PLEKHA5: variants seen among roughly 807,000 people sequenced by gnomAD.
PLEKHA5 encodes pleckstrin homology domain-containing family A member 5.
Under a neutral mutation model 181.9 loss-of-function variants are expected in PLEKHA5, and 55 were observed. That is an observed-to-expected ratio of 0.30 (90% confidence interval 0.24 to 0.38). The LOEUF (loss-of-function observed/expected upper bound fraction) is 0.38. Among genes scored for constraint, PLEKHA5 ranks in the 10% least tolerant of loss-of-function variants. The probability of loss-of-function intolerance (pLI) is 1.00; values close to 1 mark genes in which losing one functional copy is unlikely to be tolerated. For synonymous variants in PLEKHA5, 535 were observed against 529.4 expected, an observed-to-expected ratio of 1.01 and a Z score of -0.15; for missense variants, 1,432 against 1,549.5, an observed-to-expected ratio of 0.92 and a Z score of 1.27.
chr12:19,348,551 T>C (rs2094443908), intron 25 of PLEKHA5, 32 bp downstream of exon 25: 1 of 1,510,338 alleles, frequency 6.6e-7, no homozygotes, highest in Non-Finnish European at 8.8e-7. Flanking sequence ...TACCTCTTGG[T>C]TTTTGTTTTT....
At chr12:19,366,235 G>T (rs1475326261) in intron 30 of PLEKHA5, 126 bp downstream of exon 30, 3 of 736,692 alleles carry the variant, frequency 4.1e-6, no homozygotes, top group Non-Finnish European at 6.7e-6. Flanking sequence ...GTCAACGTTT[G>T]CCTCCCCAAG....
intron 3 of PLEKHA5, among the ~76,000 whole-genome samples, chr12:19,138,855 G>A (rs1283435582): frequency 6.6e-6 from 1 of 152,156 alleles, no homozygotes; most frequent in Non-Finnish European, 1.5e-5. Context: ...GGTGAGTCTA[G>A]GAATGCTGTT....
rs2033070094 is a variant in PLEKHA5 at position 19,130,183 on chromosome 12, C to T, written c.169+53C>T. Reference sequence around the variant, plus strand: ...CTCCGCCTGGAGGAGGCGGCAGAGCCCGGGCCGCCCGGCTCCCCGCAACCT... The same window carrying T: ...CTCCGCCTGGAGGAGGCGGCAGAGCTCGGGCCGCCCGGCTCCCCGCAACCT... On this transcript the variant is annotated intron_variant, in intron 2 of 31. Coordinates refer to ENST00000429027, the MANE Select transcript of PLEKHA5 (RefSeq NM_001256470.2). The surrounding 1 kb of genome is among the most constrained non-coding windows in gnomAD (Gnocchi z 4.5). The T allele has an allele frequency of 8.2e-7, 1 of 1,220,796 alleles. No individual in the cohort carries two copies. The highest frequency in any genetic ancestry group is 1.1e-6 in the Non-Finnish European group (1 of 893,720). 75.6% of individuals were successfully genotyped at this position (1,220,796 alleles called of 1,614,324 possible).
At chr12:19,291,948 A>C (rs146883071) in intron 15 of PLEKHA5, among the ~76,000 whole-genome samples, 111 of 152,258 alleles carry the variant, frequency 7.3e-4, no homozygotes, top group African/African-American at 2.6e-3. Context: ...AATTCTCTAG[A>C]CTTCGTTCTT....
At chr12:19,227,035 G>T (rs370615417) in intron 3 of PLEKHA5, among the ~76,000 whole-genome samples, 1 of 151,944 alleles carries the variant, frequency 6.6e-6, no homozygotes, top group Admixed American at 6.6e-5. Flanking sequence ...TACCTCTTTT[G>T]TGATGTTTTC....
intron 3 of PLEKHA5, among the ~76,000 whole-genome samples, chr12:19,148,978 CATT>C (rs984093479): frequency 1.3e-5 from 2 of 152,052 alleles, no homozygotes; most frequent in Non-Finnish European, 2.9e-5. Context: ...AGGAAACAAA[CATT>C]ATTATTGGTA....
intron 3 of PLEKHA5, among the ~76,000 whole-genome samples, chr12:19,160,762 T>C (rs74669613): frequency 0.064 from 9,744 of 152,134 alleles, 370 homozygotes; most frequent in South Asian, 0.11. Flanking sequence ...AACTTTTTTA[T>C]ATAATAATAA....
intron 13 of PLEKHA5, among the ~76,000 whole-genome samples, chr12:19,290,277 A>G (rs1032550660): frequency 4.6e-5 from 7 of 152,234 alleles, no homozygotes; most frequent in Non-Finnish European, 8.8e-5. Context: ...AAAGTTGGAC[A>G]TGCAGGTATT....
intron 20 of PLEKHA5, among the ~76,000 whole-genome samples, chr12:19,325,043 T>C (rs1565618674): frequency 6.6e-6 from 1 of 152,244 alleles, no homozygotes. Context: ...TAGAATTTGC[T>C]GCATCTCAAG....
chr12:19,254,754 C>T (rs1376285281), intron 4 of PLEKHA5, among the ~76,000 whole-genome samples: 9 of 152,192 alleles, frequency 5.9e-5, no homozygotes, highest in Admixed American at 5.9e-4. Context: ...ACCTGGGAGG[C>T]AGATTCTACA....
intron 15 of PLEKHA5, 149 bp downstream of exon 15, chr12:19,291,846 G>A: frequency 1.9e-6 from 1 of 534,254 alleles, no homozygotes; most frequent in Non-Finnish European, 3.3e-6. Flanking sequence ...CTGACCAGGT[G>A]GATTCAGGAA....
chr12:19,339,827 T>C (rs1189043511), intron 21 of PLEKHA5, among the ~76,000 whole-genome samples: 2 of 152,188 alleles, frequency 1.3e-5, no homozygotes, highest in African/African-American at 2.4e-5. Flanking sequence ...CCTGCTAGGT[T>C]ATTATGAGGA....
At chr12:19,196,009 T>C (rs1232189838) in intron 3 of PLEKHA5, among the ~76,000 whole-genome samples, 1 of 152,186 alleles carries the variant, frequency 6.6e-6, no homozygotes, top group East Asian at 1.9e-4. Context: ...TTACCTACAC[T>C]AATTGAGATG....
chr12:19,174,431 T>C (rs1387318742), intron 3 of PLEKHA5, among the ~76,000 whole-genome samples: 1 of 152,218 alleles, frequency 6.6e-6, no homozygotes. Context: ...AATCTTGTTA[T>C]AATATGATTT....
At chr12:19,313,423 AT>A (rs1395522640) in intron 15 of PLEKHA5, among the ~76,000 whole-genome samples, 1 of 152,144 alleles carries the variant, frequency 6.6e-6, no homozygotes, top group Non-Finnish European at 1.5e-5. Context: ...TTTACATGTA[AT>A]TATTAAGTTT....
intron 15 of PLEKHA5, chr12:19,306,352 G>A (rs1452089351): frequency 4.5e-6 from 2 of 444,470 alleles, no homozygotes; most frequent in South Asian, 3.5e-5. Flanking sequence ...TTGTTTTCTC[G>A]TGCTCTCCAA....
At chr12:19,200,319 T>G in intron 3 of PLEKHA5, 1 of 1,527,600 alleles carries the variant, frequency 6.5e-7, no homozygotes. Flanking sequence ...TCCTTTATCC[T>G]TCCAGCTGAA....
At chr12:19,212,749 A>G (rs894537814) in intron 3 of PLEKHA5, among the ~76,000 whole-genome samples, 1 of 152,168 alleles carries the variant, frequency 6.6e-6, no homozygotes, top group Non-Finnish European at 1.5e-5. Flanking sequence ...TAAATTCATC[A>G]AACATATCCT....
intron 3 of PLEKHA5, among the ~76,000 whole-genome samples, chr12:19,230,348 T>G (rs1375042683): frequency 6.6e-6 from 1 of 152,216 alleles, no homozygotes; most frequent in Admixed American, 6.5e-5. Context: ...ACCAGTCCCA[T>G]GCCGTGCGCC....
Sources: gnomAD v4.1 joint callset for allele counts (sites outside exome capture counted in the v4.1 genomes callset) on GRCh38, gnomAD v4.1.1 for gene constraint, Gnocchi (gnomAD v3.1) non-coding constraint, MANE v1.5 for transcripts, NCBI Gene and HGNC (gene_info 2026-07-23, HGNC 2026-07-21) for gene names.